The following UBAC2 variants were observed in gnomAD, a reference collection of about 807,000 sequenced individuals.
UBAC2 encodes the protein UBA domain containing 2.
In UBAC2, 26 loss-of-function variants were observed where a neutral mutation model predicts 44.0. The ratio of observed to expected loss-of-function variants is 0.59; its 90% CI spans 0.43 to 0.82. The LOEUF is 0.82. UBAC2 is among the 40% of genes least tolerant of loss of function. The probability of loss-of-function intolerance (pLI) is 0.00; values close to 1 mark genes in which losing one functional copy is unlikely to be tolerated. For synonymous variants in UBAC2, 155 were observed against 154.3 expected, an observed-to-expected ratio of 1.00 and a Z score of -0.04; for missense variants, 329 against 419.4, an observed-to-expected ratio of 0.78 and a Z score of 1.88.
At chr13:99,279,067 G>A (rs2043920171) in intron 4 of UBAC2, among the ~76,000 whole-genome samples, 1 of 152,130 alleles carries the variant, frequency 6.6e-6, no homozygotes, top group African/African-American at 2.4e-5. Context: ...CAAAGCCTTT[G>A]GATTTTAAGC....
At chr13:99,322,438 T>C (rs959924811) in intron 6 of UBAC2, among the ~76,000 whole-genome samples, 5 of 152,248 alleles carry the variant, frequency 3.3e-5, no homozygotes, top group African/African-American at 1.2e-4. Context: ...AGGACTGATC[T>C]GATTCTGGCA....
rs1016017789 is a variant in UBAC2, at chr13:99,368,010, G to A, written c.927+104G>A. Reference sequence around the variant, plus strand: ...AAGTAATCAAGCGTGTAAATACAAAGATGGTGACAGCAGTCCATCTGCCAC... The same window carrying A: ...AAGTAATCAAGCGTGTAAATACAAAAATGGTGACAGCAGTCCATCTGCCAC... On this transcript the variant is annotated intron_variant, in intron 8 of 8. Coordinates refer to ENST00000403766, the MANE Select transcript of UBAC2 (RefSeq NM_001144072.2). 2.3e-5 allele frequency: 32 copies of A among 1,379,028 alleles called. No homozygotes were observed. The African/African-American group carries it at 3.9e-4, about 17-fold the overall frequency. The allele number at this position is 1,379,028 out of a possible 1,614,324, so 85.4% of individuals were successfully genotyped here. A position where few individuals can be genotyped will look rare whatever the true frequency, so the allele number is the denominator to read the frequency against.
intron 8 of UBAC2, among the ~76,000 whole-genome samples, chr13:99,378,340 A>C (rs2045508298): frequency 6.6e-6 from 1 of 152,180 alleles, no homozygotes; most frequent in Non-Finnish European, 1.5e-5. Context: ...CAGCCTGGCC[A>C]ACATAGTGAA....
intron 7 of UBAC2, among the ~76,000 whole-genome samples, chr13:99,363,214 T>C (rs183424688): frequency 1.2e-3 from 177 of 152,330 alleles, no homozygotes; most frequent in African/African-American, 4.1e-3. Context: ...TAACTTCCAC[T>C]AATACCACAT....
chr13:99,262,740 A>AAAAG (rs1436059757), intron 4 of UBAC2, among the ~76,000 whole-genome samples: 65 of 141,552 alleles, frequency 4.6e-4, no homozygotes, highest in African/African-American at 1.7e-3. Flanking sequence ...AAAAAAAAAA[A>AAAAG]GGACTTGTGG....
chr13:99,250,525 T>TC (rs1335305606), intron 4 of UBAC2, among the ~76,000 whole-genome samples: 1 of 152,180 alleles, frequency 6.6e-6, no homozygotes, highest in Non-Finnish European at 1.5e-5. Context: ...TTCTTTTTTT[T>TC]CCCTTAGGAT....
At chr13:99,384,013 C>T (rs187483668) in intron 8 of UBAC2, among the ~76,000 whole-genome samples, 2 of 152,218 alleles carry the variant, frequency 1.3e-5, no homozygotes, top group Non-Finnish European at 2.9e-5. Context: ...AGAGGAAGAA[C>T]AGCAGGCTTT....
At chr13:99,326,935 A>G (rs1405882511) in intron 6 of UBAC2, among the ~76,000 whole-genome samples, 1 of 152,224 alleles carries the variant, frequency 6.6e-6, no homozygotes, top group East Asian at 1.9e-4. Context: ...AAGTCCCCAG[A>G]GGCCCTGAAA....
intron 1 of UBAC2, among the ~76,000 whole-genome samples, chr13:99,228,540 C>T (rs554338503): frequency 3.9e-5 from 6 of 152,140 alleles, no homozygotes; most frequent in Admixed American, 6.5e-5. Context: ...GCGATCTGCC[C>T]GACTTGGCCT....
At chr13:99,296,321 T>C (rs2044172747) in intron 4 of UBAC2, among the ~76,000 whole-genome samples, 1 of 152,212 alleles carries the variant, frequency 6.6e-6, no homozygotes, top group Non-Finnish European at 1.5e-5. Context: ...TTTTTAACAG[T>C]TTATAATTAT....
chr13:99,295,901 G>C lies in UBAC2; in HGVS notation c.390-18196G>C. 1 of 1,613,162 alleles carries C rather than the reference G, an allele frequency of 6.2e-7. No individual in the cohort carries two copies. Among genetic ancestry groups the C allele is most frequent in the Admixed American group, 1.7e-5 (1 of 59,968 alleles). ...GTAGGCTATTCGTGTAGGCAAAGCG[G>C]TGGTAAAAAGTATATCAGAAATCAC... is the stretch of plus-strand genomic sequence containing the variant. On this transcript the variant is annotated intron_variant, in intron 4 of 8. Transcript: ENST00000403766. This position sits in a 1 kb window ranked among gnomAD's most constrained non-coding sequence, Gnocchi z 4.1.
intron 4 of UBAC2, among the ~76,000 whole-genome samples, chr13:99,275,512 C>A (rs2043870221): frequency 6.7e-6 from 1 of 149,222 alleles, no homozygotes; most frequent in Non-Finnish European, 1.5e-5. Flanking sequence ...TATTTATAAC[C>A]TATTTTAAAT....
intron 2 of UBAC2, among the ~76,000 whole-genome samples, chr13:99,242,278 C>T (rs1433584901): frequency 1.2e-4 from 19 of 152,166 alleles, no homozygotes; most frequent in South Asian, 4.1e-4. Context: ...GGGTGGTGGC[C>T]GGGCAGAGGT....
intron 4 of UBAC2, among the ~76,000 whole-genome samples, chr13:99,269,153 C>T (rs1043190061): frequency 5.3e-5 from 8 of 152,074 alleles, no homozygotes; most frequent in South Asian, 2.1e-4. Flanking sequence ...TGGGAGAGTG[C>T]GAGGCAGGGG....
chr13:99,350,940 C>G (rs1465815409), intron 7 of UBAC2, among the ~76,000 whole-genome samples: 1 of 152,146 alleles, frequency 6.6e-6, no homozygotes, highest in African/African-American at 2.4e-5. Flanking sequence ...TATGAAGCCC[C>G]CCAGCACATC....
chr13:99,251,391 G>A (rs1467462217), intron 4 of UBAC2, among the ~76,000 whole-genome samples: 1 of 152,138 alleles, frequency 6.6e-6, no homozygotes, highest in Non-Finnish European at 1.5e-5. Flanking sequence ...GCTCTGGCTA[G>A]GACTTCTGGC....
intron 4 of UBAC2, among the ~76,000 whole-genome samples, chr13:99,283,713 CTTTTTTTTTTTTTTTTT>C (rs71118470): frequency 9.6e-5 from 6 of 62,598 alleles, no homozygotes; most frequent in African/African-American, 3.6e-4. Context: ...TTAATGCCAC[CTTTTTTTTTTTTTTTTT>C]TTTTTTTTTT....
chr13:99,314,289 T>C, intron 5 of UBAC2, 69 bp downstream of exon 5: 3 of 1,469,730 alleles, frequency 2.0e-6, no homozygotes, highest in Non-Finnish European at 2.7e-6. Flanking sequence ...TTGGTCTTTT[T>C]CTCATTTGAT....
At chr13:99,365,086 A>G (rs1462664407) in intron 7 of UBAC2, among the ~76,000 whole-genome samples, 2 of 152,220 alleles carry the variant, frequency 1.3e-5, no homozygotes, top group African/African-American at 4.8e-5. Context: ...TTTTCTAGAA[A>G]GTTGTCTTTC....
Sources: allele counts gnomAD v4.1 joint callset (sites outside exome capture counted in the v4.1 genomes callset), GRCh38; gene constraint gnomAD v4.1.1; non-coding constraint Gnocchi (gnomAD v3.1); transcripts MANE v1.5; gene names NCBI Gene and HGNC (gene_info 2026-07-23, HGNC 2026-07-21).